DIAPH2: variants seen among roughly 807,000 people sequenced by gnomAD.
DIAPH2 encodes protein diaphanous homolog 2.
DIAPH2 carries 35 observed loss-of-function variants against 92.7 expected under a neutral mutation model. That is an observed-to-expected ratio of 0.38 (90% CI 0.29 to 0.50). The LOEUF (loss-of-function observed/expected upper bound fraction) is 0.50. DIAPH2 is among the 20% of genes least tolerant of loss of function. The probability of loss-of-function intolerance (pLI) is 0.94; values close to 1 mark genes in which losing one functional copy is unlikely to be tolerated. For missense variants in DIAPH2, 701 were observed against 819.5 expected, an observed-to-expected ratio of 0.86 and a Z score of 1.77; for synonymous variants, 301 against 280.4, an observed-to-expected ratio of 1.07 and a Z score of -0.73.
At chrX:96,815,911 T>C (rs190100041) in intron 4 of DIAPH2, among the ~76,000 whole-genome samples, 15 of 111,218 alleles carry the variant, frequency 1.3e-4, no homozygotes, top group Non-Finnish European at 2.5e-4. Context: ...GCTCAGGCAA[T>C]GCGCCCACCT....
At chrX:96,879,596 T>C (rs1391535600) in intron 4 of DIAPH2, among the ~76,000 whole-genome samples, 1 of 111,177 alleles carries the variant, frequency 9.0e-6, no homozygotes, top group Non-Finnish European at 1.9e-5. Context: ...TGCAAAATTA[T>C]GCTTTAAATA....
chrX:96,918,478 C>A, intron 8 of DIAPH2, 31 bp from the exon 9 acceptor site: 1 of 996,093 alleles, frequency 1.0e-6, no homozygotes, highest in South Asian at 2.1e-5. Context: ...AGAAGTATTT[C>A]TCATTTCTGT....
intron 22 of DIAPH2, among the ~76,000 whole-genome samples, chrX:97,222,172 A>AGAT (rs56742311): frequency 0.11 from 11,555 of 103,997 alleles, 787 homozygotes; most frequent in African/African-American, 0.22. Context: ...GGGAGGGTCT[A>AGAT]GATGATGATG....
At chrX:96,702,679 C>A (rs1385933106) in intron 1 of DIAPH2, among the ~76,000 whole-genome samples, 1 of 111,811 alleles carries the variant, frequency 8.9e-6, no homozygotes, top group Non-Finnish European at 1.9e-5. Context: ...GCTGCTATAG[C>A]AAATTCCCAT....
intron 22 of DIAPH2, among the ~76,000 whole-genome samples, chrX:97,208,970 G>A (rs2067818734): frequency 9.1e-6 from 1 of 109,933 alleles, no homozygotes; most frequent in South Asian, 3.9e-4. Flanking sequence ...ACTTTTTAAA[G>A]TATGATACTC....
rs934734303 is a variant in DIAPH2 at position 97,601,333 on chromosome X, CCAG to C, written c.*2017_*2019del. The C allele has an allele frequency of 1.8e-5, 2 of 111,422 alleles. No homozygotes were observed. The highest frequency in any genetic ancestry group is 3.8e-5 in the Non-Finnish European group (2 of 52,973). The allele number at this position is 111,422 out of a possible 1,213,427, so 9.2% of individuals were successfully genotyped here. ...ATACTGATATGTATCATCACCTTTT[CCAG>C]ATACAAACTTGCCTTATTTTCTAGT... On this transcript the variant is annotated 3_prime_UTR_variant, in exon 27 of 27. Transcript: ENST00000324765.
chrX:96,842,493 G>A (rs1489455231), intron 4 of DIAPH2, among the ~76,000 whole-genome samples: 4 of 111,957 alleles, frequency 3.6e-5, no homozygotes, highest in Non-Finnish European at 5.6e-5. Context: ...TTATATGTTT[G>A]CATTTTTAAA....
intron 4 of DIAPH2, among the ~76,000 whole-genome samples, chrX:96,850,622 G>A (rs771089192): frequency 9.0e-6 from 1 of 111,531 alleles, no homozygotes; most frequent in African/African-American, 3.3e-5. Flanking sequence ...ACTATTTCTC[G>A]TTCATAGCCC....
intron 17 of DIAPH2, among the ~76,000 whole-genome samples, chrX:96,999,280 C>T (rs934158640): frequency 2.0e-4 from 22 of 110,227 alleles, no homozygotes; most frequent in African/African-American, 5.9e-4. Flanking sequence ...TTTGGGAGGC[C>T]GAGGTGGGCA....
At chrX:97,457,739 A>G (rs1456754838) in intron 26 of DIAPH2, among the ~76,000 whole-genome samples, 1 of 111,795 alleles carries the variant, frequency 8.9e-6, no homozygotes, top group Non-Finnish European at 1.9e-5. Flanking sequence ...CATAATCCCA[A>G]TGTGATAGTA....
intron 17 of DIAPH2, among the ~76,000 whole-genome samples, chrX:97,014,205 G>C (rs1425216386): frequency 9.0e-6 from 1 of 111,564 alleles, no homozygotes; most frequent in Admixed American, 9.5e-5. Flanking sequence ...AAAGAAGGAA[G>C]AGGTAGAAAA....
intron 22 of DIAPH2, among the ~76,000 whole-genome samples, chrX:97,177,401 T>C (rs2067501128): frequency 8.9e-6 from 1 of 111,766 alleles, no homozygotes; most frequent in Admixed American, 9.5e-5. Flanking sequence ...TTCTGTCCAC[T>C]TTTTGGACTT....
intron 23 of DIAPH2, among the ~76,000 whole-genome samples, chrX:97,330,107 GTGTGTA>G (rs1454648843): frequency 1.1e-4 from 11 of 97,029 alleles, no homozygotes; most frequent in East Asian, 3.5e-4. Flanking sequence ...GTGTGTGTGT[GTGTGTA>G]TGTGTGTGTA....
At chrX:97,267,220 CAA>C (rs2068344608) in intron 23 of DIAPH2, among the ~76,000 whole-genome samples, 2 of 111,037 alleles carry the variant, frequency 1.8e-5, no homozygotes, top group Non-Finnish European at 3.8e-5. Flanking sequence ...TAAGAATCTG[CAA>C]AAAGTTTCTG....
At chrX:97,484,354 T>TGTATGAA (rs2070672584) in intron 26 of DIAPH2, among the ~76,000 whole-genome samples, 2 of 112,127 alleles carry the variant, frequency 1.8e-5, no homozygotes, top group Non-Finnish European at 3.8e-5. Flanking sequence ...ATCCATGAAA[T>TGTATGAA]GTATGTAACA....
chrX:97,558,001 A>C (rs1403446011), intron 26 of DIAPH2, among the ~76,000 whole-genome samples: 1 of 112,531 alleles, frequency 8.9e-6, no homozygotes, highest in Non-Finnish European at 1.9e-5. Context: ...AACCAAGGTA[A>C]ATGTCAATGC....
At chrX:97,413,629 A>G (rs1045471770) in intron 25 of DIAPH2, among the ~76,000 whole-genome samples, 1 of 112,067 alleles carries the variant, frequency 8.9e-6, no homozygotes, top group Non-Finnish European at 1.9e-5. Flanking sequence ...TTTGCAGATG[A>G]CATGATTGTA....
intron 5 of DIAPH2, among the ~76,000 whole-genome samples, chrX:96,883,468 C>T: frequency 9.2e-6 from 1 of 108,373 alleles, no homozygotes; most frequent in Non-Finnish European, 1.9e-5. Flanking sequence ...GCAACCTCTG[C>T]CTCCTGGGTT....
intron 22 of DIAPH2, among the ~76,000 whole-genome samples, chrX:97,185,368 T>C (rs1160397670): frequency 1.8e-5 from 1 of 54,164 alleles, no homozygotes; most frequent in African/African-American, 1.4e-4. Context: ...TATATATATA[T>C]GTATATATAT....
Sources: gnomAD v4.1 joint callset for allele counts (sites outside exome capture counted in the v4.1 genomes callset) on GRCh38, gnomAD v4.1.1 for gene constraint, MANE v1.5 for transcripts, NCBI Gene and HGNC (gene_info 2026-07-23, HGNC 2026-07-21) for gene names.